The following RCN3 variants were observed in gnomAD, a reference collection of about 807,000 sequenced individuals.
RCN3 encodes reticulocalbin-3.
Under a neutral mutation model 35.9 loss-of-function variants are expected in RCN3, and 41 were observed. That is an observed-to-expected ratio of 1.14 (90% CI 0.89 to 1.48). The LOEUF (loss-of-function observed/expected upper bound fraction) is 1.48, where lower values mean the gene tolerates loss of function less well. Ranked by LOEUF, RCN3 falls within the 40% of genes most tolerant of loss-of-function variation. The probability of loss-of-function intolerance (pLI) is 0.00; values close to 1 mark genes in which losing one functional copy is unlikely to be tolerated. For missense variants in RCN3, 451 were observed against 471.3 expected, an observed-to-expected ratio of 0.96 and a Z score of 0.40; for synonymous variants, 187 against 193.4, an observed-to-expected ratio of 0.97 and a Z score of 0.27.
chr19:49,534,416 C>G (rs1363457209), intron 3 of RCN3, 21 bp downstream of exon 3: 1 of 1,536,410 alleles, frequency 6.5e-7, no homozygotes, highest in Non-Finnish European at 8.7e-7. Flanking sequence ...AGCCCCCGAC[C>G]CTGCTCCCCA....
rs954150336 is a variant in RCN3 at position 49,536,754 on chromosome 19, G to A, written c.446-279G>A. ...CTCCCGAGTAGCTGGGATTACAGGC[G>A]TGCCCCACCATGCCCGGCTAAGTAT... is the stretch of plus-strand genomic sequence containing the variant. On this transcript the variant is annotated intron_variant, in intron 3 of 6. Coordinates refer to ENST00000270645, the MANE Select transcript of RCN3 (RefSeq NM_020650.3). 4.0e-5 allele frequency among the ~76,000 whole-genome samples: 6 copies of A among 150,966 alleles called. No homozygotes were observed. The South Asian group carries it at 8.4e-4, about 21-fold the overall frequency.
chr19:49,535,532 G>A (rs924686417), intron 3 of RCN3, among the ~76,000 whole-genome samples: 6 of 152,232 alleles, frequency 3.9e-5, no homozygotes, highest in Non-Finnish European at 4.4e-5. Context: ...TCTCTCACAA[G>A]TTAGCTAATT....
Position 49,539,018 on chromosome 19 carries a change from C to G in RCN3, c.619-101C>G, listed in dbSNP as rs117186624. 7.8e-3 allele frequency: 6,056 copies of G among 772,212 alleles called. 37 individuals are homozygous for G. The highest frequency in any genetic ancestry group is 0.01 in the Non-Finnish European group (5,029 of 490,536). 47.8% of individuals were successfully genotyped at this position (772,212 alleles called of 1,614,324 possible). On this transcript the variant is annotated intron_variant, in intron 4 of 6. Coordinates refer to ENST00000270645, the MANE Select transcript of RCN3 (RefSeq NM_020650.3). Reference sequence around the variant, plus strand: ...GCCTGCCTCCCACAGCTGCCCGGAGCTAAATTTCCAAGAGAACCTCTCACT... The same window carrying G: ...GCCTGCCTCCCACAGCTGCCCGGAGGTAAATTTCCAAGAGAACCTCTCACT...
At chr19:49,530,369 C>T (rs1462046796) in intron 2 of RCN3, among the ~76,000 whole-genome samples, 3 of 149,620 alleles carry the variant, frequency 2.0e-5, no homozygotes, top group Non-Finnish European at 3.0e-5. Context: ...TGGGGTTTCA[C>T]TGTGTTGCCC....
Position 49,534,200 on chromosome 19 carries a change from G to A in RCN3, c.250G>A (p.Val84Met). The change falls in exon 3 of 7, where the codon GTG becomes ATG. Residue 84 changes from valine to methionine, a missense_variant. Physicochemically the swap from Val to Met is conservative, Grantham distance 21. Transcript: ENST00000270645. ...EESQARLGRI[V>M]DRMDRAGDGD... ...GCCCGCCCCGGCTTCTAGGCGGATC[G>A]TGGACCGCATGGACCGCGCGGGGGA... 3.3e-6 allele frequency: 5 copies of A among 1,493,862 alleles called. No individual in the cohort carries two copies. Among genetic ancestry groups the A allele is most frequent in the East Asian group, 2.6e-5 (1 of 37,902 alleles). The allele number at this position is 1,493,862 out of a possible 1,614,324, so 92.5% of individuals were successfully genotyped here.
At chr19:49,532,586 C>G (rs1568708897) in intron 2 of RCN3, among the ~76,000 whole-genome samples, 1 of 152,254 alleles carries the variant, frequency 6.6e-6, no homozygotes, top group East Asian at 1.9e-4. Context: ...GTTGGCCAGG[C>G]TGGTCTGGAA....
chr19:49,537,136 C>A lies in RCN3; in HGVS notation c.549C>A (p.Ala183=), dbSNP rs764998563. ...CCGACCAGGATGGGGACTCGATGGC[C>A]ACTCGAGAGGAGCTGACAGCCTTCC... ...RVADQDGDSM[A]TREELTAFLH... Residue 183 remains alanine, a synonymous_variant, in exon 4 of 7, where the codon GCC becomes GCA. Coordinates refer to ENST00000270645, the MANE Select transcript of RCN3 (RefSeq NM_020650.3). 6.3e-7 allele frequency: 1 copy of A among 1,597,990 alleles called. No homozygotes were observed. Among genetic ancestry groups the A allele is most frequent in the Admixed American group, 1.7e-5 (1 of 58,368 alleles).
At position 49,537,080 on chromosome 19, in the gene RCN3, C is replaced by G. The variant is rs147384869; in HGVS notation, c.493C>G (p.Leu165Val). Residue 165 changes from leucine to valine, a missense_variant, in exon 4 of 7, where the codon CTG (leucine) becomes GTG (valine). Coordinates refer to ENST00000270645, the MANE Select transcript of RCN3 (RefSeq NM_020650.3). ...VEDAETYKKM[L>V]ARDERRFRVA... Reference sequence around the variant, plus strand: ...GGATGCAGAGACCTACAAAAAGATGCTGGCTCGGGACGAGCGGCGTTTCCG... The same window carrying G: ...GGATGCAGAGACCTACAAAAAGATGGTGGCTCGGGACGAGCGGCGTTTCCG... The G allele has an allele frequency of 3.8e-6, 6 of 1,582,686 alleles. No homozygotes were observed. The African/African-American group carries it at 6.8e-5, about 18-fold the overall frequency.
intron 3 of RCN3, 121 bp downstream of exon 3, chr19:49,534,516 C>T (rs2080125524): frequency 3.0e-6 from 3 of 985,180 alleles, no homozygotes; most frequent in Non-Finnish European, 4.3e-6. Context: ...CAGGCTCTAC[C>T]CACTTTTAGG....
chr19:49,542,822 A>C, intron 6 of RCN3, 70 bp downstream of exon 6: 1 of 1,407,602 alleles, frequency 7.1e-7, no homozygotes, highest in Admixed American at 2.2e-5. Flanking sequence ...AGAAAGGAGC[A>C]AGACCTGGGC....
rs752781460 is a variant in RCN3, at chr19:49,543,224, C to T, written c.*11C>T. 1.0e-5 allele frequency: 16 copies of T among 1,599,032 alleles called. No individual in the cohort carries two copies. Among genetic ancestry groups the T allele is most frequent in the African/African-American group, 1.3e-5 (1 of 74,492 alleles). ...CACGATGAGCTGTGAGCACCGCGCA[C>T]CTGCCACAGCCTCAGAGGCCCGCAC... On this transcript the variant is annotated 3_prime_UTR_variant, in exon 7 of 7. Coordinates refer to ENST00000270645, the MANE Select transcript of RCN3 (RefSeq NM_020650.3).
At chr19:49,529,826 G>A (rs139852150) in intron 2 of RCN3, among the ~76,000 whole-genome samples, 8,661 of 151,954 alleles carry the variant, frequency 0.057, 409 homozygotes, top group South Asian at 0.19. Flanking sequence ...GTGCGATCTC[G>A]GCTCACTGCA....
chr19:49,534,702 G>A (rs1014650478), intron 3 of RCN3, among the ~76,000 whole-genome samples: 5 of 151,954 alleles, frequency 3.3e-5, no homozygotes, highest in African/African-American at 1.2e-4. Context: ...TGAAACCTGG[G>A]CCCTCAAATT....
intron 4 of RCN3, among the ~76,000 whole-genome samples, chr19:49,537,832 T>G (rs1443260822): frequency 6.6e-6 from 1 of 151,874 alleles, no homozygotes; most frequent in African/African-American, 2.4e-5. Flanking sequence ...AGAGATGGGA[T>G]TTCACCATGT....
At chr19:49,533,745 G>T (rs1023688674) in intron 2 of RCN3, among the ~76,000 whole-genome samples, 5 of 151,936 alleles carry the variant, frequency 3.3e-5, no homozygotes, top group African/African-American at 1.2e-4. Context: ...AGACAGCGGG[G>T]GATCGGGGGT....
intron 2 of RCN3, among the ~76,000 whole-genome samples, chr19:49,531,594 C>T (rs886748802): frequency 1.3e-5 from 2 of 152,004 alleles, no homozygotes; most frequent in East Asian, 1.9e-4. Context: ...GAAGCGACTG[C>T]GATAGTCCAG....
At chr19:49,536,573 T>C (rs1258690175) in intron 3 of RCN3, among the ~76,000 whole-genome samples, 3 of 151,378 alleles carry the variant, frequency 2.0e-5, no homozygotes, top group African/African-American at 7.3e-5. Flanking sequence ...AGTGCTGGGA[T>C]TACAGGTGTG....
At chr19:49,537,653 C>CAT (rs768007238) in intron 4 of RCN3, among the ~76,000 whole-genome samples, 5 of 151,760 alleles carry the variant, frequency 3.3e-5, no homozygotes, top group Non-Finnish European at 7.4e-5. Context: ...ATTACAGGGG[C>CAT]GCACCACCAC....
In RCN3 at chr19:49,528,634, C is replaced by T. The variant is rs1460175051; in HGVS notation, c.162C>T (p.Tyr54=). 45 of 1,612,134 alleles carry T rather than the reference C, an allele frequency of 2.8e-5. No homozygotes were observed. Among genetic ancestry groups the T allele is most frequent in the Non-Finnish European group, 3.3e-5 (39 of 1,179,240 alleles). The change falls in exon 2 of 7, where the codon TAC becomes TAT. Residue 54 remains tyrosine, a synonymous_variant. Transcript: ENST00000270645. ...PHDDAHGNFQ[Y]DHEAFLGREV... ...ATGACGCCCACGGGAACTTCCAGTA[C>T]GACCATGAGGCTTTCCTGGGACGGG...
Sources: gnomAD v4.1 joint callset for allele counts (sites outside exome capture counted in the v4.1 genomes callset) on GRCh38, gnomAD v4.1.1 for gene constraint, MANE v1.5 for transcripts, NCBI Gene and HGNC (gene_info 2026-07-23, HGNC 2026-07-21) for gene names.